Variants in DGKB observed in about 807,000 individuals in gnomAD.
DGKB encodes 90 kDa diacylglycerol kinase.
A neutral mutation model predicts 114.3 loss-of-function variants in DGKB; 67 were observed. That is an observed-to-expected ratio of 0.59 (90% CI 0.48 to 0.72). The LOEUF (loss-of-function observed/expected upper bound fraction) is 0.72. DGKB is among the 30% of genes least tolerant of loss of function. DGKB has a pLI of 0.00. For synonymous variants in DGKB, 398 were observed against 323.1 expected, an observed-to-expected ratio of 1.23 and a Z score of -2.49; for missense variants, 907 against 975.2, an observed-to-expected ratio of 0.93 and a Z score of 0.93.
rs541938461 is a variant in DGKB, at chr7:14,856,609, G to A, written c.-187-15159C>T. 3.9e-5 allele frequency among the ~76,000 whole-genome samples: 6 copies of A among 151,956 alleles called. No homozygotes were observed. The South Asian group carries it at 6.2e-4, about 16-fold the overall frequency. On this transcript the variant is annotated intron_variant, in intron 1 of 25. Transcript: ENST00000402815. ...TTCAGATGTATTCATATTAGTGCAC[G>A]TGGCTCTGTCTCATTGATGTCACTG...
chr7:14,662,706 A>C (rs1817367030), intron 13 of DGKB, among the ~76,000 whole-genome samples: 2 of 151,962 alleles, frequency 1.3e-5, no homozygotes, highest in African/African-American at 4.8e-5. Flanking sequence ...TAAGTGTTAA[A>C]ATATAATGCC....
chr7:14,764,482 C>T (rs1303962380), intron 2 of DGKB, among the ~76,000 whole-genome samples: 3 of 151,784 alleles, frequency 2.0e-5, no homozygotes, highest in Non-Finnish European at 4.4e-5. Flanking sequence ...TCAGGATCAT[C>T]CGGGGATCTT....
intron 20 of DGKB, among the ~76,000 whole-genome samples, chr7:14,519,642 A>C (rs897676094): frequency 6.6e-6 from 1 of 152,030 alleles, no homozygotes; most frequent in African/African-American, 2.4e-5. Flanking sequence ...CCAAACTGCT[A>C]AAGTAGTTGT....
At chr7:14,934,627 C>T (rs1036563903) in intron 1 of DGKB, among the ~76,000 whole-genome samples, 1 of 152,038 alleles carries the variant, frequency 6.6e-6, no homozygotes, top group African/African-American at 2.4e-5. Context: ...TACATTCTAC[C>T]AATCTTTGTT....
intron 12 of DGKB, among the ~76,000 whole-genome samples, chr7:14,676,591 A>G (rs542835397): frequency 2.6e-5 from 4 of 152,222 alleles, no homozygotes; most frequent in African/African-American, 7.2e-5. Context: ...AAAAAATTAA[A>G]TAAGTGAATA....
chr7:14,210,522 C>T (rs1241434017), intron 23 of DGKB, among the ~76,000 whole-genome samples: 1 of 151,952 alleles, frequency 6.6e-6, no homozygotes, highest in Non-Finnish European at 1.5e-5. Flanking sequence ...AATATGTTGC[C>T]AGAATCACAA....
chr7:14,932,315 T>G (rs1483541086), intron 1 of DGKB, among the ~76,000 whole-genome samples: 1 of 152,182 alleles, frequency 6.6e-6, no homozygotes, highest in Admixed American at 6.5e-5. Context: ...TTTGCTTTTC[T>G]GTTGAACTCC....
At chr7:14,471,793 A>G (rs1437570084) in intron 21 of DGKB, among the ~76,000 whole-genome samples, 4 of 152,266 alleles carry the variant, frequency 2.6e-5, no homozygotes, top group Admixed American at 2.0e-4. Context: ...AAAAATATAG[A>G]GAAGATAAAT....
At chr7:14,151,718 T>A (rs1782237463) in intron 25 of DGKB, among the ~76,000 whole-genome samples, 1 of 152,108 alleles carries the variant, frequency 6.6e-6, no homozygotes, top group African/African-American at 2.4e-5. Context: ...CTGCAAAAAA[T>A]GAAATCCACA....
rs528619471 is a variant in DGKB, at chr7:14,875,046, A to G, written c.-188+27546T>C. 1.2e-4 allele frequency among the ~76,000 whole-genome samples: 18 copies of G among 152,182 alleles called. No individual in the cohort carries two copies. The South Asian group carries it at 3.7e-3, about 32-fold the overall frequency. On this transcript the variant is annotated intron_variant, in intron 1 of 25. Transcript: ENST00000402815. ...TTTCTTCTGTGAGAAAAAAATACCC[A>G]TTGTTTAGGGAGAAGTTTGGTGTAC...
intron 2 of DGKB, among the ~76,000 whole-genome samples, chr7:14,793,962 A>T (rs960072435): frequency 6.6e-6 from 1 of 152,080 alleles, no homozygotes; most frequent in Non-Finnish European, 1.5e-5. Flanking sequence ...TGCCTGCCTG[A>T]CTGAGCTCAT....
chr7:14,152,978 ATAT>A (rs1782451425), intron 25 of DGKB, among the ~76,000 whole-genome samples: 1 of 152,062 alleles, frequency 6.6e-6, no homozygotes, highest in South Asian at 2.1e-4. Context: ...CCCATAAAAC[ATAT>A]TATCAGAGAA....
At chr7:14,535,833 C>T (rs1163167640) in intron 20 of DGKB, among the ~76,000 whole-genome samples, 2 of 152,078 alleles carry the variant, frequency 1.3e-5, no homozygotes, top group Admixed American at 6.6e-5. Context: ...GATCCACCCC[C>T]CTCAGCCTCC....
intron 21 of DGKB, among the ~76,000 whole-genome samples, chr7:14,425,044 C>A (rs1827295030): frequency 6.6e-6 from 1 of 151,992 alleles, no homozygotes; most frequent in African/African-American, 2.4e-5. Flanking sequence ...AAGAAAAGTG[C>A]ACATATGATA....
chr7:14,613,287 C>T, intron 16 of DGKB, 53 bp downstream of exon 16: 1 of 1,079,574 alleles, frequency 9.3e-7, no homozygotes, highest in Non-Finnish European at 1.4e-6. Flanking sequence ...ATAGTTTTGT[C>T]TATTTTTTTA....
At chr7:14,281,730 T>G (rs1407418061) in intron 23 of DGKB, among the ~76,000 whole-genome samples, 1 of 151,940 alleles carries the variant, frequency 6.6e-6, no homozygotes, top group Non-Finnish European at 1.5e-5. Flanking sequence ...CTCAACTACA[T>G]GGAAACTAAA....
chr7:14,187,985 C>A (rs997151732), intron 23 of DGKB, among the ~76,000 whole-genome samples: 15 of 151,396 alleles, frequency 9.9e-5, no homozygotes, highest in African/African-American at 3.6e-4. Flanking sequence ...ATGAGAAATT[C>A]AACAAAGATG....
chr7:14,569,077 T>C lies in DGKB; in HGVS notation c.1770+5135A>G, dbSNP rs1798000609. Among the ~76,000 whole-genome samples the C allele has an allele frequency of 2.6e-5, 4 of 152,218 alleles. No homozygotes were observed. In the South Asian group the frequency reaches 8.3e-4, roughly 31 times the overall value. On this transcript the variant is annotated intron_variant, in intron 20 of 25. Coordinates refer to ENST00000402815, the MANE Select transcript of DGKB (RefSeq NM_001350709.2). Reference sequence around the variant, plus strand: ...CAATTTATTTTATTTCATTATATTCTAGATTCATTGATTGAGGAAGAGGAA... The same window carrying C: ...CAATTTATTTTATTTCATTATATTCCAGATTCATTGATTGAGGAAGAGGAA...
chr7:14,559,044 C>T (rs528341199), intron 20 of DGKB, among the ~76,000 whole-genome samples: 3 of 152,290 alleles, frequency 2.0e-5, no homozygotes, highest in African/African-American at 4.8e-5. Flanking sequence ...CCTGGGAAAG[C>T]CCACAGGTGT....
Sources: allele counts gnomAD v4.1 joint callset (sites outside exome capture counted in the v4.1 genomes callset), GRCh38; gene constraint gnomAD v4.1.1; transcripts MANE v1.5; gene names NCBI Gene and HGNC (gene_info 2026-07-23, HGNC 2026-07-21).